Variants in SLC28A1 observed in about 807,000 individuals in gnomAD.
SLC28A1 encodes sodium/nucleoside cotransporter 1.
SLC28A1 carries 64 observed loss-of-function variants against 74.8 expected under a neutral mutation model. The ratio of observed to expected loss-of-function variants is 0.86; its 90% confidence interval spans 0.70 to 1.05. The LOEUF (loss-of-function observed/expected upper bound fraction) is 1.05. Among genes scored for constraint, SLC28A1 ranks in the 50% least tolerant of loss-of-function variants. SLC28A1 has a pLI of 0.00. For synonymous variants in SLC28A1, 359 were observed against 335.0 expected (o/e 1.07, Z -0.78); for missense variants, 828 against 822.8 (o/e 1.01, Z -0.08).
intron 15 of SLC28A1, among the ~76,000 whole-genome samples, chr15:84,942,033 A>T (rs992872484): frequency 6.6e-6 from 1 of 152,090 alleles, no homozygotes; most frequent in African/African-American, 2.4e-5. Context: ...TTGTAACTAT[A>T]TTTATTATCC....
At chr15:84,924,459 C>T (rs563485097) in intron 12 of SLC28A1, among the ~76,000 whole-genome samples, 3 of 152,238 alleles carry the variant, frequency 2.0e-5, no homozygotes, top group East Asian at 1.9e-4. Context: ...AATTTGTGCT[C>T]ATTTCTCCAG....
chr15:84,935,965 T>G (rs1167079614), intron 15 of SLC28A1, among the ~76,000 whole-genome samples: 2 of 141,688 alleles, frequency 1.4e-5, no homozygotes, highest in Non-Finnish European at 3.1e-5. Context: ...TTTTTTTTTT[T>G]TTTTTTTGAG....
At chr15:84,923,362 C>G (rs981323482) in intron 11 of SLC28A1, among the ~76,000 whole-genome samples, 2 of 148,954 alleles carry the variant, frequency 1.3e-5, no homozygotes, top group Admixed American at 6.6e-5. Flanking sequence ...TCCTCCCACC[C>G]TCCACGGCTC....
the SLC28A1 span, among the ~76,000 whole-genome samples, chr15:84,957,362 G>T: frequency 3.1e-4 from 47 of 152,182 alleles, no homozygotes; most frequent in African/African-American, 1.1e-3. Flanking sequence ...TGCCTCCTGG[G>T]TTCAAGCGAT....
At chr15:84,895,196 G>A (rs1675517250) in intron 6 of SLC28A1, 73 bp downstream of exon 6, 1 of 1,593,204 alleles carries the variant, frequency 6.3e-7, no homozygotes, top group Non-Finnish European at 8.6e-7. Flanking sequence ...CAGGGTTATG[G>A]CCAGGGCTGG....
chr15:84,956,937 A>C, the SLC28A1 span, among the ~76,000 whole-genome samples: 1 of 152,194 alleles, frequency 6.6e-6, no homozygotes, highest in African/African-American at 2.4e-5. Flanking sequence ...TGTTTGTAGG[A>C]TGCATCTCCA....
intron 15 of SLC28A1, among the ~76,000 whole-genome samples, chr15:84,941,855 T>C (rs767755057): frequency 6.6e-6 from 1 of 152,134 alleles, no homozygotes; most frequent in Non-Finnish European, 1.5e-5. Context: ...CTGGAAAGTG[T>C]TAAATTCGTG....
intron 6 of SLC28A1, chr15:84,896,082 C>A: frequency 2.2e-6 from 1 of 452,248 alleles, no homozygotes; most frequent in Non-Finnish European, 2.9e-6. Flanking sequence ...AATGGTTTTC[C>A]GCTTGAGGGA....
At chr15:84,893,217 T>C (rs780326230) in intron 5 of SLC28A1, among the ~76,000 whole-genome samples, 61 of 152,122 alleles carry the variant, frequency 4.0e-4, no homozygotes, top group Non-Finnish European at 6.6e-4. Flanking sequence ...TGGGCATCAC[T>C]GTAGACCCCA....
At chr15:84,928,602 C>CT (rs374994469) in intron 12 of SLC28A1, among the ~76,000 whole-genome samples, 1 of 8,314 alleles carries the variant, frequency 1.2e-4, no homozygotes, top group Non-Finnish European at 2.2e-4. Context: ...TTCTTTCTTT[C>CT]TTTTCTTTCT....
chr15:84,967,697 G>T, the SLC28A1 span, among the ~76,000 whole-genome samples: 1 of 152,156 alleles, frequency 6.6e-6, no homozygotes, highest in Non-Finnish European at 1.5e-5. Context: ...CTCTCTGGGG[G>T]CCATCACCTT....
chr15:84,900,745 A>G (rs1192511371), intron 6 of SLC28A1, among the ~76,000 whole-genome samples: 1 of 152,052 alleles, frequency 6.6e-6, no homozygotes, highest in Non-Finnish European at 1.5e-5. Context: ...TCGAGACTGC[A>G]GTGAGCTATG....
chr15:84,885,146 A>G (rs1307861187), intron 1 of SLC28A1, among the ~76,000 whole-genome samples: 2 of 151,656 alleles, frequency 1.3e-5, no homozygotes, highest in Admixed American at 6.6e-5. Flanking sequence ...TTTAGTAGAG[A>G]CGGGGTTTCA....
chr15:84,888,972 T>A (rs1405049557), intron 4 of SLC28A1, 112 bp downstream of exon 4: 14 of 767,934 alleles, frequency 1.8e-5, no homozygotes, highest in Non-Finnish European at 2.9e-5. Flanking sequence ...GAACCTTTGT[T>A]GAAGGGAGGA....
chr15:84,971,792 G>T, the SLC28A1 span, among the ~76,000 whole-genome samples: 1 of 152,120 alleles, frequency 6.6e-6, no homozygotes, highest in African/African-American at 2.4e-5. Flanking sequence ...TGGGACGCCA[G>T]GCACGTGCCT....
intron 16 of SLC28A1, 85 bp from the exon 17 acceptor site, chr15:84,944,481 G>C (rs896980530): frequency 2.3e-6 from 2 of 866,062 alleles, no homozygotes; most frequent in African/African-American, 3.3e-5. Context: ...GAGGAAGGGA[G>C]GTCAGCAGAT....
At chr15:84,964,987 T>C in the SLC28A1 span, among the ~76,000 whole-genome samples, 5 of 152,204 alleles carry the variant, frequency 3.3e-5, no homozygotes, top group East Asian at 1.9e-4. Flanking sequence ...CCTTTGAAGA[T>C]CCTCAGTATG....
chr15:84,894,437 T>C (rs889748305), intron 5 of SLC28A1, among the ~76,000 whole-genome samples: 6 of 152,022 alleles, frequency 3.9e-5, no homozygotes, highest in African/African-American at 1.5e-4. Context: ...TATGTGTCTT[T>C]CCTGATGGAC....
chr15:84,910,462 C>T (rs187107756), intron 9 of SLC28A1, among the ~76,000 whole-genome samples: 62 of 152,286 alleles, frequency 4.1e-4, no homozygotes, highest in Admixed American at 1.8e-3. Flanking sequence ...GGCGCGGTGG[C>T]TCATGCCTGT....
Sources: gnomAD v4.1 joint callset for allele counts (sites outside exome capture counted in the v4.1 genomes callset) on GRCh38, gnomAD v4.1.1 for gene constraint, MANE v1.5 for transcripts, NCBI Gene and HGNC (gene_info 2026-07-23, HGNC 2026-07-21) for gene names.